The following ZNF285 variants were observed in gnomAD, a reference collection of about 807,000 sequenced individuals.
ZNF285 encodes zinc finger protein 285A.
Under a neutral mutation model 6.2 loss-of-function variants are expected in ZNF285, and 4 were observed. That is an observed-to-expected ratio of 0.65 (90% CI 0.32 to 1.49). The LOEUF (loss-of-function observed/expected upper bound fraction) is 1.49. Among genes scored for constraint, ZNF285 ranks in the 40% most tolerant of loss-of-function variants. The pLI, the probability that ZNF285 is intolerant of heterozygous loss-of-function variation, is 0.07. For missense variants in ZNF285, 695 were observed against 708.8 expected, an observed-to-expected ratio of 0.98 and a Z score of 0.22; for synonymous variants, 240 against 245.8, an observed-to-expected ratio of 0.98 and a Z score of 0.22.
chr19:44,398,204 G>A (rs1413206108), intron 1 of ZNF285, among the ~76,000 whole-genome samples: 1 of 152,094 alleles, frequency 6.6e-6, no homozygotes, highest in Admixed American at 6.5e-5. Context: ...TTCTGGAAAT[G>A]CTCATGGTAT....
Position 44,387,207 on chromosome 19 carries a change from G to C in ZNF285, c.1038C>G (p.Cys346Trp). Residue 346 changes from cysteine (C) to tryptophan (W), a missense_variant, in exon 4 of 4, where the codon TGC becomes TGG. By Grantham distance (215) the Cys-to-Trp change is radical. Transcript: ENST00000614994. ...RVHTGEMPYK[C>W]DECGKGFGFR... ...ATCCAAACCCTTTCCCACATTCATC[G>C]CATTTGTAGGGCATCTCCCCTGTGT... The C allele has an allele frequency of 6.2e-7, 1 of 1,614,008 alleles. No individual in the cohort carries two copies. Among genetic ancestry groups the C allele is most frequent in the Non-Finnish European group, 8.5e-7 (1 of 1,180,000 alleles).
chr19:44,390,434 G>A (rs1444787669), intron 3 of ZNF285, among the ~76,000 whole-genome samples: 1 of 152,122 alleles, frequency 6.6e-6, no homozygotes, highest in African/African-American at 2.4e-5. Flanking sequence ...TAGCCCCTTT[G>A]TTTCGGCCAA....
chr19:44,395,330 G>A (rs1017357010), intron 2 of ZNF285, among the ~76,000 whole-genome samples: 2 of 152,086 alleles, frequency 1.3e-5, no homozygotes, highest in Non-Finnish European at 2.9e-5. Context: ...CCAAAAGGAA[G>A]CAAACAAATG....
chr19:44,392,599 G>A (rs1971216414), intron 2 of ZNF285, 133 bp from the exon 3 acceptor site: 1 of 1,550,658 alleles, frequency 6.4e-7, no homozygotes, highest in Non-Finnish European at 8.7e-7. Context: ...TGTCCTGGAG[G>A]TTGGAAAGTC....
At chr19:44,397,089 C>T in intron 2 of ZNF285, 110 bp downstream of exon 2, 1 of 1,493,110 alleles carries the variant, frequency 6.7e-7, no homozygotes, top group East Asian at 2.3e-5. Context: ...AGATAAAGTA[C>T]CTAATACATA....
chr19:44,401,114 C>A (rs1971368669), intron 1 of ZNF285, among the ~76,000 whole-genome samples: 1 of 152,034 alleles, frequency 6.6e-6, no homozygotes, highest in African/African-American at 2.4e-5. Flanking sequence ...GCGAGAACAG[C>A]CGAAGCCATC....
At position 44,386,556 on chromosome 19, in the gene ZNF285, T is replaced by C; in HGVS notation, c.1689A>G (p.Ile563Met). The C allele has an allele frequency of 1.2e-6, 2 of 1,614,194 alleles. No homozygotes were observed. Among genetic ancestry groups the C allele is most frequent in the Non-Finnish European group, 1.7e-6 (2 of 1,180,004 alleles). ...SYLLAHQRVH[I>M]DETQYTHCER... Reference sequence around the variant, plus strand: ...CACAGTGTGTGTACTGTGTCTCATCTATATGCACTCTCTGATGGGCAAGGA... The same window carrying C: ...CACAGTGTGTGTACTGTGTCTCATCCATATGCACTCTCTGATGGGCAAGGA... Residue 563 changes from isoleucine (I) to methionine (M), a missense_variant, in exon 4 of 4, where the codon ATA becomes ATG. Physicochemically the swap from Ile to Met is conservative, Grantham distance 10. Coordinates refer to ENST00000614994, the MANE Select transcript of ZNF285 (RefSeq NM_152354.6).
intron 2 of ZNF285, among the ~76,000 whole-genome samples, chr19:44,394,785 A>G (rs1314131765): frequency 6.6e-6 from 1 of 152,210 alleles, no homozygotes; most frequent in Non-Finnish European, 1.5e-5. Flanking sequence ...ACAATTGTCC[A>G]ATTACCAAAA....
rs138614800 is a variant in ZNF285, at chr19:44,386,662, T to C, written c.1583A>G (p.Asn528Ser). 7.7e-4 allele frequency: 1,235 copies of C among 1,613,894 alleles called. 5 individuals are homozygous for C. Among genetic ancestry groups the C allele is most frequent in the East Asian group, 3.7e-3 (166 of 44,858 alleles). Residue 528 changes from asparagine to serine, a missense_variant, in exon 4 of 4, where the codon AAT becomes AGT. Physicochemically the swap from Asn to Ser is conservative, Grantham distance 46 (BLOSUM62 1). Coordinates refer to ENST00000614994, the MANE Select transcript of ZNF285 (RefSeq NM_152354.6). Reference protein sequence around the residue: ...GKGFSRNSDLNVHLRVHTGER... With the variant: ...GKGFSRNSDLSVHLRVHTGER... The stretch of plus-strand genomic sequence containing the variant: ...TCCTGTGTGGACTCTGAGGTGAACA[T>C]TAAGATCTGAATTCCGGCTGAAGCC...
chr19:44,390,298 C>T (rs2123270824), intron 3 of ZNF285, among the ~76,000 whole-genome samples: 1 of 152,198 alleles, frequency 6.6e-6, no homozygotes, highest in South Asian at 2.1e-4. Context: ...GTGGAGCTGC[C>T]CAAGACCATG....
intron 3 of ZNF285, among the ~76,000 whole-genome samples, chr19:44,389,688 T>C (rs1450753482): frequency 2.0e-5 from 3 of 152,158 alleles, no homozygotes; most frequent in Non-Finnish European, 4.4e-5. Context: ...ATGTGCAGGT[T>C]AGTTACATAT....
Position 44,397,199 on chromosome 19 carries a change from C to G in ZNF285, c.15G>C (p.Gln5His), listed in dbSNP as rs1379878978. 12 of 1,613,878 alleles carry G rather than the reference C, an allele frequency of 7.4e-6. No individual in the cohort carries two copies. Among genetic ancestry groups the G allele is most frequent in the Non-Finnish European group, 9.3e-6 (11 of 1,179,858 alleles). ...AAAGAGAAAGAAACCCTTAACTTAC[C>G]TGGAACTTAATCATACCGTCTTCCT... MIKF[Q>H]ERVTFKDVAV... Residue 5 changes from glutamine to histidine, a missense_variant and splice_region_variant, in exon 2 of 4, where the codon CAG becomes CAC. By Grantham distance (24) the Gln-to-His change is conservative. Coordinates refer to ENST00000614994, the MANE Select transcript of ZNF285 (RefSeq NM_152354.6).
At chr19:44,399,377 A>C (rs1971337778) in intron 1 of ZNF285, among the ~76,000 whole-genome samples, 2 of 135,898 alleles carry the variant, frequency 1.5e-5, no homozygotes, top group South Asian at 2.3e-4. Context: ...CCTGTCAAAA[A>C]ACTACAAATC....
intron 3 of ZNF285, among the ~76,000 whole-genome samples, chr19:44,390,665 T>C (rs1388582952): frequency 6.6e-6 from 1 of 152,052 alleles, no homozygotes; most frequent in Non-Finnish European, 1.5e-5. Flanking sequence ...TAAGGACATA[T>C]GATTTGGGAG....
At chr19:44,391,952 A>G (rs1177941532) in intron 3 of ZNF285, among the ~76,000 whole-genome samples, 1 of 152,120 alleles carries the variant, frequency 6.6e-6, no homozygotes, top group Non-Finnish European at 1.5e-5. Flanking sequence ...GTTTATCCAA[A>G]ACATTGGATA....
chr19:44,400,813 C>A (rs1316242759), intron 1 of ZNF285, among the ~76,000 whole-genome samples: 2 of 152,090 alleles, frequency 1.3e-5, no homozygotes, highest in African/African-American at 4.8e-5. Context: ...GATCTCCTGA[C>A]CTCGTGATCC....
In ZNF285 at chr19:44,386,178, T is replaced by C. The variant is rs535040997; in HGVS notation, c.*294A>G. The C allele has an allele frequency of 2.0e-5, 6 of 304,760 alleles. No homozygotes were observed. Among genetic ancestry groups the C allele is most frequent in the Non-Finnish European group, 3.0e-5 (5 of 163,942 alleles). 18.9% of individuals were successfully genotyped at this position (304,760 alleles called of 1,614,324 possible). ...ATCATCCCAATTAGAATTTCCTTCCTGGACACACCCTTTAATGGAAATTTG... is the reference window on the plus strand; with the variant it reads ...ATCATCCCAATTAGAATTTCCTTCCCGGACACACCCTTTAATGGAAATTTG... On this transcript the variant is annotated 3_prime_UTR_variant, in exon 4 of 4. Transcript: ENST00000614994.
At chr19:44,389,356 C>G (rs531396035) in intron 3 of ZNF285, among the ~76,000 whole-genome samples, 1 of 152,116 alleles carries the variant, frequency 6.6e-6, no homozygotes, top group Non-Finnish European at 1.5e-5. Flanking sequence ...GTCCTTTCTG[C>G]ATTGTTTTAT....
At chr19:44,393,566 T>C (rs1971232632) in intron 2 of ZNF285, among the ~76,000 whole-genome samples, 1 of 152,092 alleles carries the variant, frequency 6.6e-6, no homozygotes, top group African/African-American at 2.4e-5. Context: ...TTTTCTCCCA[T>C]TCTGTAGGTT....
Sources: allele counts gnomAD v4.1 joint callset (sites outside exome capture counted in the v4.1 genomes callset), GRCh38; gene constraint gnomAD v4.1.1; transcripts MANE v1.5; gene names NCBI Gene and HGNC (gene_info 2026-07-23, HGNC 2026-07-21).